The following TANC2 variants were observed in gnomAD, a reference collection of about 807,000 sequenced individuals.
The protein encoded by TANC2 is tetratricopeptide repeat, ankyrin repeat and coiled-coil containing 2.
A neutral mutation model predicts 210.5 loss-of-function variants in TANC2; 26 were observed. The observed-to-expected ratio is 0.12, with a 90% CI of 0.09 to 0.17. The LOEUF (loss-of-function observed/expected upper bound fraction) is 0.17, where lower values mean the gene tolerates loss of function less well. Among genes scored for constraint, TANC2 ranks in the 10% least tolerant of loss-of-function variants. The probability of loss-of-function intolerance (pLI) is 1.00; values close to 1 mark genes in which losing one functional copy is unlikely to be tolerated. For synonymous variants in TANC2, 931 were observed against 967.1 expected (o/e 0.96, Z 0.69); for missense variants, 2,129 against 2,608.9 (o/e 0.82, Z 4.01).
intron 1 of TANC2, among the ~76,000 whole-genome samples, chr17:62,989,539 T>C (rs2032747459): frequency 6.6e-6 from 1 of 152,136 alleles, no homozygotes; most frequent in Non-Finnish European, 1.5e-5. Context: ...ACTAAACCTG[T>C]TCATTATGTG....
intron 10 of TANC2, among the ~76,000 whole-genome samples, 182 bp from the exon 11 acceptor site, chr17:63,318,775 A>AT (rs1410668787): frequency 2.6e-5 from 4 of 152,176 alleles, no homozygotes; most frequent in African/African-American, 9.7e-5. Flanking sequence ...ACTTTTGGCT[A>AT]TTATGAATCG....
At chr17:63,170,885 A>G (rs926372946) in intron 5 of TANC2, among the ~76,000 whole-genome samples, 21 of 152,122 alleles carry the variant, frequency 1.4e-4, no homozygotes, top group African/African-American at 4.6e-4. Context: ...TTTTGCATCA[A>G]AATTTTGACA....
At chr17:63,388,212 C>T (rs1417432391) in intron 15 of TANC2, 1 of 153,326 alleles carries the variant, frequency 6.5e-6, no homozygotes. Context: ...CATGGCCTAC[C>T]TAACTGTAAA....
At chr17:63,277,360 G>T (rs1259503951) in intron 9 of TANC2, among the ~76,000 whole-genome samples, 1 of 151,420 alleles carries the variant, frequency 6.6e-6, no homozygotes, top group Non-Finnish European at 1.5e-5. Flanking sequence ...TGTCACGGGG[G>T]TTTGTTGTAC....
chr17:63,214,309 GC>G (rs1303363090), intron 7 of TANC2, among the ~76,000 whole-genome samples: 1 of 152,176 alleles, frequency 6.6e-6, no homozygotes, highest in African/African-American at 2.4e-5. Flanking sequence ...ACTCGGAGCA[GC>G]CCTTGTAGCC....
chr17:63,311,593 G>T (rs1196270342), intron 9 of TANC2, among the ~76,000 whole-genome samples: 17 of 152,094 alleles, frequency 1.1e-4, no homozygotes. Flanking sequence ...TCTCAGAAAA[G>T]TGAACCTAAG....
At chr17:63,251,327 C>T (rs781295290) in intron 8 of TANC2, among the ~76,000 whole-genome samples, 6 of 152,096 alleles carry the variant, frequency 3.9e-5, no homozygotes, top group South Asian at 4.1e-4. Flanking sequence ...ATAAGTTTGA[C>T]GCAGTTTGAC....
chr17:63,404,793 T>G (rs2048450009), intron 19 of TANC2, among the ~76,000 whole-genome samples: 1 of 152,274 alleles, frequency 6.6e-6, no homozygotes, highest in South Asian at 2.1e-4. Context: ...CTAACAGAGT[T>G]TGTAGCTAGG....
chr17:63,099,510 C>T (rs2037543631), intron 4 of TANC2, among the ~76,000 whole-genome samples, 153 bp downstream of exon 4: 1 of 151,520 alleles, frequency 6.6e-6, no homozygotes, highest in Non-Finnish European at 1.5e-5. Flanking sequence ...AAAACTCCAA[C>T]TGATTTTAAT....
intron 17 of TANC2, among the ~76,000 whole-genome samples, chr17:63,394,877 A>T (rs1260442232): frequency 6.6e-6 from 1 of 152,184 alleles, no homozygotes; most frequent in Non-Finnish European, 1.5e-5. Flanking sequence ...CTATATATTT[A>T]CTGTCTTATT....
intron 4 of TANC2, among the ~76,000 whole-genome samples, chr17:63,138,953 C>G (rs2039188695): frequency 6.6e-6 from 1 of 152,228 alleles, no homozygotes; most frequent in Admixed American, 6.5e-5. Flanking sequence ...CTTCCTCTTT[C>G]TTCACTTTTG....
At chr17:63,389,597 G>A in intron 17 of TANC2, 53 bp downstream of exon 17, 1 of 1,479,952 alleles carries the variant, frequency 6.8e-7, no homozygotes, top group Non-Finnish European at 9.2e-7. Context: ...TATTTTCGAT[G>A]CATACTCTTT....
chr17:63,003,681 A>G (rs560394671), intron 1 of TANC2, among the ~76,000 whole-genome samples: 1 of 152,338 alleles, frequency 6.6e-6, no homozygotes, highest in Admixed American at 6.5e-5. Context: ...AAGGGGGACT[A>G]CTGTATCTTG....
intron 9 of TANC2, among the ~76,000 whole-genome samples, chr17:63,308,763 T>A (rs996763405): frequency 6.6e-6 from 1 of 152,178 alleles, no homozygotes; most frequent in Non-Finnish European, 1.5e-5. Flanking sequence ...TATTCACCCA[T>A]GCATGACAGA....
intron 14 of TANC2, among the ~76,000 whole-genome samples, chr17:63,357,291 A>C (rs904761319): frequency 2.0e-4 from 31 of 152,238 alleles, no homozygotes; most frequent in African/African-American, 7.2e-4. Context: ...CTGAATTAAT[A>C]GTATCCTTAC....
At chr17:63,069,731 G>A (rs912727849) in intron 2 of TANC2, among the ~76,000 whole-genome samples, 3 of 152,070 alleles carry the variant, frequency 2.0e-5, no homozygotes, top group African/African-American at 7.2e-5. Flanking sequence ...TTCATTCACA[G>A]GCATATTATT....
chr17:63,108,335 C>T (rs2037904112), intron 4 of TANC2, among the ~76,000 whole-genome samples: 1 of 151,648 alleles, frequency 6.6e-6, no homozygotes, highest in Non-Finnish European at 1.5e-5. Context: ...TCTCAGTTAC[C>T]CTGATTTGAT....
intron 7 of TANC2, among the ~76,000 whole-genome samples, chr17:63,214,033 C>T (rs941832614): frequency 6.6e-6 from 1 of 152,172 alleles, no homozygotes; most frequent in Non-Finnish European, 1.5e-5. Context: ...GAAGATACTA[C>T]AGAGCTGGCA....
chr17:63,202,445 G>A (rs2041565657), intron 7 of TANC2, among the ~76,000 whole-genome samples: 1 of 152,028 alleles, frequency 6.6e-6, no homozygotes, highest in South Asian at 2.1e-4. Flanking sequence ...ATAAAGAAGA[G>A]GAAAGAACAT....
Sources: allele counts gnomAD v4.1 joint callset (sites outside exome capture counted in the v4.1 genomes callset), GRCh38; gene constraint gnomAD v4.1.1; transcripts MANE v1.5; gene names NCBI Gene and HGNC (gene_info 2026-07-23, HGNC 2026-07-21).